The following YAE1 variants were observed in gnomAD, a reference collection of about 807,000 sequenced individuals.
YAE1 encodes YAE1 maturation factor of ABCE1.
In YAE1, 22 loss-of-function variants were observed where a neutral mutation model predicts 23.0. That is an observed-to-expected ratio of 0.96 (90% CI 0.68 to 1.37). YAE1 has a LOEUF of 1.37. Ranked by LOEUF, YAE1 falls within the 40% of genes most tolerant of loss-of-function variation. The pLI, the probability that YAE1 is intolerant of heterozygous loss-of-function variation, is 0.00. For synonymous variants in YAE1, 101 were observed against 97.0 expected, an observed-to-expected ratio of 1.04 and a Z score of -0.24; for missense variants, 260 against 262.1, an observed-to-expected ratio of 0.99 and a Z score of 0.06.
intron 2 of YAE1, among the ~76,000 whole-genome samples, chr7:39,609,318 G>C (rs1791172172): frequency 6.6e-6 from 1 of 152,190 alleles, no homozygotes; most frequent in South Asian, 2.1e-4. Context: ...CAATAAGGCA[G>C]ATACCAAAGC....
At chr7:39,601,237 T>C (rs1304477251) in intron 2 of YAE1, among the ~76,000 whole-genome samples, 3 of 152,216 alleles carry the variant, frequency 2.0e-5, no homozygotes, top group Non-Finnish European at 4.4e-5. Context: ...ACATGCTTAA[T>C]TCCTGACATA....
downstream of YAE1, among the ~76,000 whole-genome samples, chr7:39,574,099 T>G (rs1474211796): frequency 6.6e-6 from 1 of 151,614 alleles, no homozygotes; most frequent in Non-Finnish European, 1.5e-5. Context: ...AAGGCCACCC[T>G]AAGTAAAAAT....
chr7:39,606,990 G>A (rs1227439581), intron 2 of YAE1, among the ~76,000 whole-genome samples: 1 of 152,206 alleles, frequency 6.6e-6, no homozygotes, highest in Non-Finnish European at 1.5e-5. Flanking sequence ...ATTGACTCTA[G>A]TGGTTTGCTT....
Position 39,572,606 on chromosome 7 carries a change from C to A in YAE1, c.581C>A (p.Ser194Ter). The stretch of plus-strand genomic sequence containing the variant: ...TGTAGAACACAGGAGCATGCACATT[C>A]AGAAAACCCAAGCCCCACATGGATT... Reference protein sequence around the residue: ...ECCRTQEHAHSENPSPTWILE... With the variant: ...ECCRTQEHAH Residue 194 changes from serine (S) to a stop codon, truncating the protein, a stop_gained, in exon 3 of 3, where the codon TCA becomes TAA. Coordinates refer to ENST00000223273, the MANE Select transcript of YAE1 (RefSeq NM_020192.5). LOFTEE classifies it high-confidence loss of function. 6.2e-7 allele frequency: 1 copy of A among 1,614,048 alleles called. No homozygotes were observed. The highest frequency in any genetic ancestry group is 1.3e-5 in the African/African-American group (1 of 75,040).
At chr7:39,578,449 T>G (rs967388548) in intron 2 of YAE1, among the ~76,000 whole-genome samples, 1 of 152,242 alleles carries the variant, frequency 6.6e-6, no homozygotes, top group Non-Finnish European at 1.5e-5. Flanking sequence ...CTTTTGCTGT[T>G]TGCAATAAAT....
At chr7:39,603,557 G>T (rs958585340) in intron 2 of YAE1, among the ~76,000 whole-genome samples, 1 of 152,140 alleles carries the variant, frequency 6.6e-6, no homozygotes, top group Non-Finnish European at 1.5e-5. Flanking sequence ...GAAGATATTA[G>T]CCTGGAGAAT....
At chr7:39,608,647 A>G (rs1791163098) in intron 2 of YAE1, among the ~76,000 whole-genome samples, 1 of 152,242 alleles carries the variant, frequency 6.6e-6, no homozygotes, top group Non-Finnish European at 1.5e-5. Context: ...AATTCTATTC[A>G]ACATACGTTT....
intron 2 of YAE1, chr7:39,609,398 A>C: frequency 1.6e-6 from 1 of 622,338 alleles, no homozygotes; most frequent in Non-Finnish European, 2.7e-6. Flanking sequence ...TCATATTTAC[A>C]TCACCATCAT....
At position 39,572,302 on chromosome 7, in the gene YAE1, CATA is replaced by C; in HGVS notation, c.286_288del (p.Asn96del). On this transcript the variant is annotated inframe_deletion, in exon 3 of 3. Transcript: ENST00000223273. ...TGCTTTGCTCTCCTGGTGTCACCTT[CATA>C]ATAATAATTCAACTTTGATCAATAA... is the stretch of plus-strand genomic sequence containing the variant. 6.2e-7 allele frequency: 1 copy of C among 1,612,990 alleles called. No individual in the cohort carries two copies. Among genetic ancestry groups the C allele is most frequent in the Non-Finnish European group, 8.5e-7 (1 of 1,179,324 alleles).
intron 2 of YAE1, among the ~76,000 whole-genome samples, chr7:39,591,455 C>T (rs2115822353): frequency 6.6e-6 from 1 of 152,156 alleles, no homozygotes; most frequent in African/African-American, 2.4e-5. Context: ...TCTTAAAATG[C>T]CTTTTATTTC....
At chr7:39,599,863 A>G (rs903541515) in intron 2 of YAE1, among the ~76,000 whole-genome samples, 3 of 152,138 alleles carry the variant, frequency 2.0e-5, no homozygotes, top group Non-Finnish European at 4.4e-5. Flanking sequence ...TGCTGGGATT[A>G]CAGGCGTCAG....
intron 2 of YAE1, among the ~76,000 whole-genome samples, chr7:39,604,058 GTATGGAGGAAGGGCAGGAAA>G (rs1009750317): frequency 6.6e-6 from 1 of 152,190 alleles, no homozygotes; most frequent in Non-Finnish European, 1.5e-5. Context: ...ATAACAGGAA[GTATGGAGGAAGGGCAGGAAA>G]TATGGAGGAA....
intron 2 of YAE1, among the ~76,000 whole-genome samples, chr7:39,597,382 C>T (rs1038403229): frequency 1.3e-5 from 2 of 151,908 alleles, no homozygotes; most frequent in African/African-American, 4.8e-5. Context: ...CCAGCCTGGG[C>T]AACATAGTGA....
At chr7:39,576,115 T>G (rs1790654812), downstream of YAE1, among the ~76,000 whole-genome samples, 1 of 152,208 alleles carries the variant, frequency 6.6e-6, no homozygotes, top group Non-Finnish European at 1.5e-5. Flanking sequence ...GCTGGAAACA[T>G]TAAGTCTTCC....
rs973067573 is a variant in YAE1 at position 39,609,626 on chromosome 7, G to A, written c.261G>A (p.Thr87=). 72 of 1,534,384 alleles carry A rather than the reference G, an allele frequency of 4.7e-5. No homozygotes were observed. In the Admixed American group the frequency reaches 1.1e-3, roughly 23 times the overall value. The change falls in exon 3 of 3, where the codon ACG becomes ACA. Residue 87 remains threonine, a synonymous_variant. Coordinates refer to the YAE1 transcript ENST00000432096. ...TTGTCTATCAAAACAGGAACTCAAC[G>A]GATTGGAGCCTACTGGGCTTGAGAG...
At chr7:39,569,745 G>C in intron 1 of YAE1, 1 of 744,384 alleles carries the variant, frequency 1.3e-6, no homozygotes, top group Non-Finnish European at 2.5e-6. Context: ...GAGTGCTGAC[G>C]TACTACTCAT....
chr7:39,610,688 G>A (rs1406678744), downstream of YAE1, among the ~76,000 whole-genome samples: 1 of 152,070 alleles, frequency 6.6e-6, no homozygotes, highest in Non-Finnish European at 1.5e-5. Flanking sequence ...TTGATCTTGG[G>A]GATTCTGGCT....
downstream of YAE1, among the ~76,000 whole-genome samples, chr7:39,577,689 TG>T (rs1790675768): frequency 6.6e-6 from 1 of 152,206 alleles, no homozygotes; most frequent in African/African-American, 2.4e-5. Context: ...TCACCCCCAC[TG>T]TGGGCTCCTG....
chr7:39,599,251 T>TA (rs150136918), intron 2 of YAE1, among the ~76,000 whole-genome samples: 10,006 of 152,050 alleles, frequency 0.066, 1,132 homozygotes, highest in African/African-American at 0.23. Context: ...AAAGTAATAA[T>TA]AATAAATAAA....
Sources: gnomAD v4.1 joint callset for allele counts (sites outside exome capture counted in the v4.1 genomes callset) on GRCh38, gnomAD v4.1.1 for gene constraint, MANE v1.5 for transcripts, NCBI Gene and HGNC (gene_info 2026-07-23, HGNC 2026-07-21) for gene names.